The following GRM5 variants were observed in gnomAD, a reference collection of about 807,000 sequenced individuals.
GRM5 encodes metabotropic glutamate receptor 5.
In GRM5, 19 loss-of-function variants were observed where a neutral mutation model predicts 83.1. The observed-to-expected ratio is 0.23, with a 90% CI of 0.16 to 0.34. The LOEUF is 0.34. Among genes scored for constraint, GRM5 ranks in the 10% least tolerant of loss-of-function variants. The pLI is 1.00. For synonymous variants in GRM5, 675 were observed against 633.6 expected, an observed-to-expected ratio of 1.07 and a Z score of -0.98; for missense variants, 1,160 against 1,588.3, an observed-to-expected ratio of 0.73 and a Z score of 4.58.
At position 88,849,787 on chromosome 11, in the gene GRM5, C is replaced by G. The variant is rs56412004; in HGVS notation, c.911+119G>C. 1,544 of 934,806 alleles carry G rather than the reference C, an allele frequency of 1.7e-3. 17 individuals carry two copies. In the African/African-American group the frequency reaches 0.022, roughly 13 times the overall value. 57.9% of individuals were successfully genotyped at this position (934,806 alleles called of 1,614,324 possible). A position where few individuals can be genotyped will look rare whatever the true frequency, so the allele number is the denominator to read the frequency against. On this transcript the variant is annotated intron_variant, in intron 3 of 9. Transcript: ENST00000305447. ...ACAGGTGCGTTATGAAATTTAAGCT[C>G]TATTTCCACTGCACAGATTAAGCTT... is the stretch of plus-strand genomic sequence containing the variant.
At chr11:88,682,398 T>A (rs760774426) in intron 3 of GRM5, among the ~76,000 whole-genome samples, 2 of 152,034 alleles carry the variant, frequency 1.3e-5, no homozygotes, top group African/African-American at 2.4e-5. Context: ...TTTTAAGTGC[T>A]GAGCTTACAA....
chr11:88,870,353 T>C (rs1289999045), intron 2 of GRM5, among the ~76,000 whole-genome samples: 1 of 151,544 alleles, frequency 6.6e-6, no homozygotes, highest in African/African-American at 2.4e-5. Flanking sequence ...AAAAATATTT[T>C]TCTGGCAAAG....
intron 2 of GRM5, among the ~76,000 whole-genome samples, chr11:88,892,961 A>G (rs1945171474): frequency 6.6e-6 from 1 of 152,008 alleles, no homozygotes; most frequent in Non-Finnish European, 1.5e-5. Flanking sequence ...GTATCTTGGC[A>G]GGTAAAACTT....
chr11:88,699,093 C>CA (rs1370406363), intron 3 of GRM5, among the ~76,000 whole-genome samples: 1 of 30,002 alleles, frequency 3.3e-5, no homozygotes, highest in East Asian at 1.2e-3. Flanking sequence ...TCCGACAAAA[C>CA]AAAAAACAAA....
intron 3 of GRM5, among the ~76,000 whole-genome samples, chr11:88,779,299 A>G (rs1002577622): frequency 1.3e-5 from 2 of 152,160 alleles, no homozygotes; most frequent in Admixed American, 1.3e-4. Context: ...TAAGAAGTTG[A>G]TATTCCTTCA....
intron 4 of GRM5, among the ~76,000 whole-genome samples, chr11:88,635,898 A>G (rs1055580797): frequency 3.3e-5 from 5 of 152,296 alleles, no homozygotes; most frequent in East Asian, 1.9e-4. Context: ...ATTTTTCCAC[A>G]TGTGGATATC....
chr11:88,886,803 A>G lies in GRM5; in HGVS notation c.662-36648T>C, dbSNP rs1238553437. Among the ~76,000 whole-genome samples, 3 of 152,206 alleles carry G rather than the reference A, an allele frequency of 2.0e-5. No individual in the cohort carries two copies. The South Asian group carries it at 6.2e-4, about 32-fold the overall frequency. ...TTCATCCTCTCTGTGTATGCAATGTATGGGAAATTTTATAGTTCAGGGAGG... is the reference window on the plus strand; with the variant it reads ...TTCATCCTCTCTGTGTATGCAATGTGTGGGAAATTTTATAGTTCAGGGAGG... On this transcript the variant is annotated intron_variant, in intron 2 of 9. Coordinates refer to ENST00000305447, the MANE Select transcript of GRM5 (RefSeq NM_001143831.3).
intron 2 of GRM5, among the ~76,000 whole-genome samples, chr11:88,920,733 T>G (rs531991894): frequency 5.9e-5 from 9 of 152,206 alleles, no homozygotes; most frequent in Non-Finnish European, 1.3e-4. Flanking sequence ...TCATTCATTT[T>G]ACTTTAAGTT....
At chr11:88,679,991 T>G (rs914134668) in intron 3 of GRM5, among the ~76,000 whole-genome samples, 3 of 152,254 alleles carry the variant, frequency 2.0e-5, no homozygotes, top group African/African-American at 7.2e-5. Context: ...AAACCACTAA[T>G]TCTCTTACAC....
At chr11:88,690,130 A>T (rs1215250364) in intron 3 of GRM5, among the ~76,000 whole-genome samples, 1 of 152,168 alleles carries the variant, frequency 6.6e-6, no homozygotes, top group Non-Finnish European at 1.5e-5. Flanking sequence ...CTGGTAGTAA[A>T]TTTTTTTAAA....
intron 3 of GRM5, among the ~76,000 whole-genome samples, chr11:88,725,659 C>T (rs894338387): frequency 6.6e-5 from 10 of 152,082 alleles, no homozygotes; most frequent in African/African-American, 2.2e-4. Context: ...CTGGTGGGTA[C>T]CCCTATGGGA....
chr11:88,867,747 C>G (rs995161751), intron 2 of GRM5, among the ~76,000 whole-genome samples: 1 of 151,768 alleles, frequency 6.6e-6, no homozygotes, highest in African/African-American at 2.4e-5. Flanking sequence ...AAGATGGCAT[C>G]TACAAGCCAA....
chr11:88,655,049 A>G (rs1939732174), intron 3 of GRM5, among the ~76,000 whole-genome samples: 1 of 152,096 alleles, frequency 6.6e-6, no homozygotes, highest in Non-Finnish European at 1.5e-5. Context: ...AAACAGAAAG[A>G]ACACTGTTTT....
intron 3 of GRM5, among the ~76,000 whole-genome samples, chr11:88,690,668 G>GTCCC (rs1591442785): frequency 6.6e-6 from 1 of 152,104 alleles, no homozygotes; most frequent in Non-Finnish European, 1.5e-5. Context: ...GAATGACAAG[G>GTCCC]TCCCTCCCCT....
intron 7 of GRM5, among the ~76,000 whole-genome samples, chr11:88,586,832 G>A (rs1943324902): frequency 6.6e-6 from 1 of 152,074 alleles, no homozygotes; most frequent in Admixed American, 6.6e-5. Context: ...ACACTCACAT[G>A]TATGCACCTA....
At chr11:88,851,101 C>T (rs1375161920) in intron 2 of GRM5, among the ~76,000 whole-genome samples, 2 of 152,068 alleles carry the variant, frequency 1.3e-5, no homozygotes, top group East Asian at 3.9e-4. Context: ...AGGTTCTGCT[C>T]CCTCTACTTG....
At chr11:88,794,346 A>G (rs1943234445) in intron 3 of GRM5, among the ~76,000 whole-genome samples, 1 of 152,156 alleles carries the variant, frequency 6.6e-6, no homozygotes, top group South Asian at 2.1e-4. Flanking sequence ...CTGTAACACC[A>G]TTCTGTGGAC....
intron 2 of GRM5, among the ~76,000 whole-genome samples, chr11:89,018,574 G>A (rs574990865): frequency 6.6e-4 from 101 of 152,148 alleles, no homozygotes; most frequent in African/African-American, 2.4e-3. Flanking sequence ...CAAATGCTAT[G>A]AGAGGCACTG....
At chr11:88,961,876 G>A (rs930274226) in intron 2 of GRM5, among the ~76,000 whole-genome samples, 4 of 152,200 alleles carry the variant, frequency 2.6e-5, no homozygotes, top group Non-Finnish European at 5.9e-5. Context: ...GTGAAATGCT[G>A]TGCAGGAAAT....
Sources: allele counts gnomAD v4.1 joint callset (sites outside exome capture counted in the v4.1 genomes callset), GRCh38; gene constraint gnomAD v4.1.1; transcripts MANE v1.5; gene names NCBI Gene and HGNC (gene_info 2026-07-23, HGNC 2026-07-21).